Variants in GMDS observed in about 807,000 individuals in gnomAD.
GMDS encodes the protein GDP-mannose 4,6 dehydratase.
GMDS carries 20 observed loss-of-function variants against 49.9 expected under a neutral mutation model. The ratio of observed to expected loss-of-function variants is 0.40; its 90% CI spans 0.28 to 0.58. GMDS has a LOEUF of 0.58. Among genes scored for constraint, GMDS ranks in the 20% least tolerant of loss-of-function variants. The pLI, the probability that GMDS is intolerant of heterozygous loss-of-function variation, is 0.42. For synonymous variants in GMDS, 177 were observed against 178.6 expected (o/e 0.99, Z 0.07); for missense variants, 362 against 481.4 (o/e 0.75, Z 2.32).
At chr6:1,847,838 G>A (rs564504495) in intron 7 of GMDS, among the ~76,000 whole-genome samples, 23 of 152,226 alleles carry the variant, frequency 1.5e-4, no homozygotes, top group South Asian at 4.1e-4. Flanking sequence ...TGGTTTGTGC[G>A]GTCTGGGTGT....
At chr6:1,874,986 C>A (rs1275983756) in intron 7 of GMDS, among the ~76,000 whole-genome samples, 4 of 152,198 alleles carry the variant, frequency 2.6e-5, no homozygotes, top group Non-Finnish European at 4.4e-5. Context: ...GTAAATTAAA[C>A]ATTTAAAGTC....
chr6:1,824,502 G>A (rs982920295), intron 7 of GMDS, among the ~76,000 whole-genome samples: 2 of 152,200 alleles, frequency 1.3e-5, no homozygotes, highest in Non-Finnish European at 2.9e-5. Flanking sequence ...GCTGATCTGT[G>A]TTTTGGAAAA....
chr6:2,116,376 T>C (rs911226380), intron 3 of GMDS, among the ~76,000 whole-genome samples: 1 of 152,206 alleles, frequency 6.6e-6, no homozygotes, highest in Non-Finnish European at 1.5e-5. Flanking sequence ...GGTGACATAA[T>C]TGATTGAAGG....
At chr6:1,973,804 A>G (rs992661539) in intron 4 of GMDS, among the ~76,000 whole-genome samples, 1 of 152,212 alleles carries the variant, frequency 6.6e-6, no homozygotes, top group African/African-American at 2.4e-5. Context: ...ATGACAGAAC[A>G]ACAACAAAAA....
intron 8 of GMDS, 149 bp from the exon 9 acceptor site, chr6:1,726,661 T>A (rs1766602931): frequency 1.7e-6 from 1 of 599,340 alleles, no homozygotes; most frequent in East Asian, 2.8e-5. Flanking sequence ...CAGCTGATTA[T>A]TAAAGCAACG....
chr6:2,078,768 G>A (rs1020288620), intron 4 of GMDS, among the ~76,000 whole-genome samples: 2 of 151,998 alleles, frequency 1.3e-5, no homozygotes, highest in African/African-American at 4.8e-5. Context: ...AATATCTGTT[G>A]AGTCCAGGTA....
intron 7 of GMDS, among the ~76,000 whole-genome samples, chr6:1,793,831 A>AT (rs1038922614): frequency 2.6e-5 from 4 of 152,186 alleles, no homozygotes; most frequent in African/African-American, 9.7e-5. Flanking sequence ...AATGTCTAAG[A>AT]TTTTAAAAAA....
At chr6:2,200,903 A>G (rs1450911818) in intron 1 of GMDS, among the ~76,000 whole-genome samples, 1,009 of 49,522 alleles carry the variant, frequency 0.02, no homozygotes, top group Middle Eastern at 0.11. Flanking sequence ...GGGCATCCGA[A>G]ATGTAACCAT....
At chr6:2,169,322 C>T (rs1178351753) in intron 1 of GMDS, among the ~76,000 whole-genome samples, 7 of 152,130 alleles carry the variant, frequency 4.6e-5, no homozygotes, top group Non-Finnish European at 1.0e-4. Flanking sequence ...AACAACACTA[C>T]ATATAACAGT....
intron 1 of GMDS, among the ~76,000 whole-genome samples, chr6:2,136,938 A>G (rs1776037812): frequency 6.6e-6 from 1 of 151,162 alleles, no homozygotes; most frequent in Non-Finnish European, 1.5e-5. Context: ...AGAAAAACTG[A>G]TTTGACTTTG....
intron 9 of GMDS, among the ~76,000 whole-genome samples, chr6:1,638,815 G>T (rs893319137): frequency 6.6e-6 from 1 of 152,206 alleles, no homozygotes; most frequent in Admixed American, 6.5e-5. Flanking sequence ...TCCTTAGGGT[G>T]TGGAGACTGA....
At chr6:1,656,763 C>CA (rs766642591) in intron 9 of GMDS, among the ~76,000 whole-genome samples, 4,470 of 128,534 alleles carry the variant, frequency 0.035, 175 homozygotes, top group African/African-American at 0.11. Context: ...GACTCTGTCT[C>CA]AAAAAAAAAA....
At chr6:2,221,027 T>C (rs973799736) in intron 1 of GMDS, among the ~76,000 whole-genome samples, 1 of 152,228 alleles carries the variant, frequency 6.6e-6, no homozygotes, top group East Asian at 1.9e-4. Flanking sequence ...AATTTTTTAA[T>C]TAGCCAGGCA....
At chr6:2,130,723 AATGTT>A (rs1340404909) in intron 1 of GMDS, among the ~76,000 whole-genome samples, 1 of 152,196 alleles carries the variant, frequency 6.6e-6, no homozygotes, top group Non-Finnish European at 1.5e-5. Context: ...AGTACATTGC[AATGTT>A]ATGTTATGTC....
At chr6:2,239,861 T>C (rs1781531899) in intron 1 of GMDS, among the ~76,000 whole-genome samples, 1 of 152,138 alleles carries the variant, frequency 6.6e-6, no homozygotes, top group African/African-American at 2.4e-5. Flanking sequence ...AATTTTTTTG[T>C]ATTTTTAGTA....
At chr6:1,873,517 G>A (rs955582256) in intron 7 of GMDS, among the ~76,000 whole-genome samples, 4 of 152,158 alleles carry the variant, frequency 2.6e-5, no homozygotes, top group Non-Finnish European at 5.9e-5. Context: ...AACAAGCTTA[G>A]ACACTGAGAA....
intron 7 of GMDS, among the ~76,000 whole-genome samples, chr6:1,823,224 T>G (rs576601653): frequency 3.3e-5 from 5 of 152,244 alleles, no homozygotes; most frequent in African/African-American, 4.8e-5. Context: ...CACAGCATGG[T>G]AGTTACTACT....
At chr6:1,636,682 G>A (rs1252655118) in intron 9 of GMDS, among the ~76,000 whole-genome samples, 3 of 152,224 alleles carry the variant, frequency 2.0e-5, no homozygotes, top group African/African-American at 4.8e-5. Context: ...GACACCATGA[G>A]CCTAGGATTG....
intron 8 of GMDS, among the ~76,000 whole-genome samples, chr6:1,737,727 AAC>A (rs371454063): frequency 0.018 from 2,498 of 137,912 alleles, 33 homozygotes; most frequent in Non-Finnish European, 0.027. Context: ...ACACACCACA[AAC>A]ACACACACAC....
Sources: allele counts gnomAD v4.1 joint callset (sites outside exome capture counted in the v4.1 genomes callset), GRCh38; gene constraint gnomAD v4.1.1; transcripts MANE v1.5; gene names NCBI Gene and HGNC (gene_info 2026-07-23, HGNC 2026-07-21).